Variants in GRIP2 observed in about 807,000 individuals in gnomAD.
The protein encoded by GRIP2 is glutamate receptor interacting protein 2.
In GRIP2, 58 loss-of-function variants were observed where a neutral mutation model predicts 108.3. The observed-to-expected ratio is 0.54, with a 90% CI of 0.43 to 0.67. GRIP2 has a LOEUF of 0.67. GRIP2 is among the 30% of genes least tolerant of loss of function. The pLI is 0.00. For missense variants in GRIP2, 1,278 were observed against 1,430.6 expected (o/e 0.89, Z 1.72); for synonymous variants, 586 against 598.2 (o/e 0.98, Z 0.30).
chr3:14,544,946 C>T (rs953189129), upstream of GRIP2, among the ~76,000 whole-genome samples: 3 of 152,332 alleles, frequency 2.0e-5, no homozygotes, highest in Middle Eastern at 0.01. Context: ...TGGCCCCTCA[C>T]TTGACTTCAG....
Position 14,493,766 on chromosome 3 carries a change from C to T in GRIP2, c.3031G>A (p.Ala1011Thr). The change falls in exon 24 of 24, where the codon GCG becomes ACG. Residue 1011 changes from alanine (A) to threonine (T), a missense_variant. Transcript: ENST00000621039. ...CCLAVPLLAEAGDVLELIISR... is the reference protein window; with the variant it reads ...CCLAVPLLAETGDVLELIISR... ...ATGATCAGCTCCAAGACATCACCCGCCTCGGCCAGGAGTGGCACCGCCAGG... is the reference window on the plus strand; with the variant it reads ...ATGATCAGCTCCAAGACATCACCCGTCTCGGCCAGGAGTGGCACCGCCAGG... 4.3e-6 allele frequency: 7 copies of T among 1,612,942 alleles called. No homozygotes were observed. Among genetic ancestry groups the T allele is most frequent in the Non-Finnish European group, 5.9e-6 (7 of 1,179,564 alleles).
At chr3:14,580,213 G>A in the GRIP2 span, among the ~76,000 whole-genome samples, 23 of 152,298 alleles carry the variant, frequency 1.5e-4, no homozygotes, top group East Asian at 2.9e-3. Flanking sequence ...AGACCACACC[G>A]TGCCAAGTCC....
chr3:14,593,101 A>G, the GRIP2 span, among the ~76,000 whole-genome samples: 1 of 152,064 alleles, frequency 6.6e-6, no homozygotes, highest in Non-Finnish European at 1.5e-5. Flanking sequence ...GTCATCCCCA[A>G]CCCAGCCCAG....
exon 1 of GRIP2, chr3:14,555,955 T>G (rs1188040631): frequency 2.5e-6 from 1 of 399,492 alleles, no homozygotes; most frequent in Non-Finnish European, 4.4e-6. Flanking sequence ...CCGCCAGCAT[T>G]GTGCCCTCCT....
chr3:14,515,050 A>G (rs1422514450), intron 11 of GRIP2, among the ~76,000 whole-genome samples: 1 of 152,184 alleles, frequency 6.6e-6, no homozygotes. Flanking sequence ...TCATCTCTGC[A>G]TTTGCCTGTT....
chr3:14,575,453 TG>T, the GRIP2 span, among the ~76,000 whole-genome samples: 1 of 152,174 alleles, frequency 6.6e-6, no homozygotes, highest in African/African-American at 2.4e-5. Flanking sequence ...CACCCATTGC[TG>T]GTTTTGAGTG....
Position 14,511,460 on chromosome 3 carries a change from C to T in GRIP2, c.1740G>A (p.Gly580=). The part of the protein sequence containing the change: ...ITISSASRKR[G]EPLIISDIKK... ...TGATGTCGGAGATGATCAAGGGCTC[C>T]CCTCGTTTCCTGCTGGCCGCTGGAG... is the stretch of plus-strand genomic sequence containing the variant. Residue 580 remains glycine, a synonymous_variant, in exon 15 of 24, where the codon GGG becomes GGA. Transcript: ENST00000621039. This position sits in a 1 kb window ranked among gnomAD's most constrained non-coding sequence, Gnocchi z 4.1. 6.2e-7 allele frequency: 1 copy of T among 1,613,634 alleles called. No homozygotes were observed. Among genetic ancestry groups the T allele is most frequent in the Non-Finnish European group, 8.5e-7 (1 of 1,179,884 alleles).
chr3:14,512,171 G>A lies in GRIP2; in HGVS notation c.1720+606C>T, dbSNP rs994691818. On this transcript the variant is annotated intron_variant, in intron 14 of 23. Transcript: ENST00000621039. The surrounding 1 kb of genome is among the most constrained non-coding windows in gnomAD (Gnocchi z 5.1). ...CCCAGAGGCAGGAAGGGGCAGGCATGGCAGGGAGCAGCCAGGCTGACTGCG... is the reference window on the plus strand; with the variant it reads ...CCCAGAGGCAGGAAGGGGCAGGCATAGCAGGGAGCAGCCAGGCTGACTGCG... 6.6e-6 allele frequency among the ~76,000 whole-genome samples: 1 copy of A among 152,162 alleles called. No homozygotes were observed.
upstream of GRIP2, among the ~76,000 whole-genome samples, chr3:14,559,704 C>T (rs1695289838): frequency 6.6e-6 from 1 of 152,120 alleles, no homozygotes; most frequent in Non-Finnish European, 1.5e-5. Flanking sequence ...CACTGAGGAG[C>T]TGCCTGGCTA....
At chr3:14,547,205 A>G (rs142310560) in intron 1 of GRIP2, among the ~76,000 whole-genome samples, 26 of 152,178 alleles carry the variant, frequency 1.7e-4, no homozygotes, top group African/African-American at 5.3e-4. Flanking sequence ...GGAAGGAAAG[A>G]AGAGAGACAG....
chr3:14,557,615 G>A (rs1347891369), upstream of GRIP2, among the ~76,000 whole-genome samples: 9 of 152,206 alleles, frequency 5.9e-5, no homozygotes, highest in Admixed American at 2.6e-4. Flanking sequence ...AGCAGGAAGT[G>A]GGCACTTGAA....
chr3:14,545,616 G>A (rs1156949437), upstream of GRIP2, among the ~76,000 whole-genome samples: 1 of 152,228 alleles, frequency 6.6e-6, no homozygotes, highest in Non-Finnish European at 1.5e-5. Flanking sequence ...GACAGGACAT[G>A]GGAGCACAGC....
chr3:14,573,428 G>A, the GRIP2 span: 25 of 1,407,730 alleles, frequency 1.8e-5, no homozygotes, highest in Non-Finnish European at 2.5e-5. Flanking sequence ...GGATCCTGGT[G>A]TGCAGGAAGA....
the GRIP2 span, among the ~76,000 whole-genome samples, chr3:14,601,831 A>G: frequency 1.3e-5 from 2 of 152,186 alleles, no homozygotes; most frequent in African/African-American, 2.4e-5. Flanking sequence ...GAGAGGCCCA[A>G]CCTGGGGGGC....
intron 1 of GRIP2, among the ~76,000 whole-genome samples, chr3:14,551,868 T>C (rs557520912): frequency 6.6e-6 from 1 of 152,226 alleles, no homozygotes; most frequent in East Asian, 1.9e-4. Flanking sequence ...CTCAGTTTCC[T>C]CAACTGCAAA....
rs766736884 is a variant in GRIP2, at chr3:14,520,464, C to T, written c.786G>A (p.Ser262=). Reference sequence around the variant, plus strand: ...TGTTCCGGAGGGAGGTGGTGGTGAGCGAGATCCCCAGGGCAGACCCTGGCG... The same window carrying T: ...TGTTCCGGAGGGAGGTGGTGGTGAGTGAGATCCCCAGGGCAGACCCTGGCG... ...VKTPGSALGI[S]LTTTSLRNKS... The change falls in exon 8 of 24, where the codon TCG becomes TCA. Residue 262 remains serine (S), a synonymous_variant. Coordinates refer to ENST00000621039, the MANE Select transcript of GRIP2 (RefSeq NM_001080423.4). 19 of 1,613,762 alleles carry T rather than the reference C, an allele frequency of 1.2e-5. No homozygotes were observed. The highest frequency in any genetic ancestry group is 5.3e-5 in the African/African-American group (4 of 74,912).
chr3:14,566,197 G>A, the GRIP2 span, among the ~76,000 whole-genome samples: 1 of 152,224 alleles, frequency 6.6e-6, no homozygotes, highest in Non-Finnish European at 1.5e-5. Context: ...GGGAATCGGA[G>A]TCCAGCAGGA....
chr3:14,602,670 TC>T, the GRIP2 span, among the ~76,000 whole-genome samples: 2 of 151,092 alleles, frequency 1.3e-5, no homozygotes, highest in South Asian at 4.2e-4. This position sits in a 1 kb window ranked among gnomAD's most constrained non-coding sequence, Gnocchi z 4.7. Flanking sequence ...GGTCCCACAC[TC>T]CCGCGCCCCG....
In GRIP2 at chr3:14,505,674, G is replaced by C. The variant is rs61731938; in HGVS notation, c.2514C>G (p.Thr838=). The change falls in exon 20 of 24, where the codon ACC becomes ACG. Residue 838 remains threonine (T), a synonymous_variant. Transcript: ENST00000621039. The surrounding 1 kb of genome is among the most constrained non-coding windows in gnomAD (Gnocchi z 4.2). ...CCTCTGGAAAGCTCTCGTCAGCTGGGGTTGGGGTATAGCTCGTCCTCCGGG... is the reference window on the plus strand; with the variant it reads ...CCTCTGGAAAGCTCTCGTCAGCTGGCGTTGGGGTATAGCTCGTCCTCCGGG... ...TEPRRTSYTP[T]PADESFPEEE... The C allele has an allele frequency of 6.2e-7, 1 of 1,607,384 alleles. No individual in the cohort carries two copies. The highest frequency in any genetic ancestry group is 8.5e-7 in the Non-Finnish European group (1 of 1,176,852).
Sources: allele counts gnomAD v4.1 joint callset (sites outside exome capture counted in the v4.1 genomes callset), GRCh38; gene constraint gnomAD v4.1.1; non-coding constraint Gnocchi (gnomAD v3.1); transcripts MANE v1.5; gene names NCBI Gene and HGNC (gene_info 2026-07-23, HGNC 2026-07-21).